NUDT21: variants seen among roughly 807,000 people sequenced by gnomAD.
The protein encoded by NUDT21 is nudix hydrolase 21.
In NUDT21, 5 loss-of-function variants were observed where a neutral mutation model predicts 29.8. The ratio of observed to expected loss-of-function variants is 0.17; its 90% CI spans 0.09 to 0.35. NUDT21 has a LOEUF of 0.35. NUDT21 is among the 10% of genes least tolerant of loss of function. NUDT21 has a pLI of 1.00. For synonymous variants in NUDT21, 113 were observed against 98.5 expected (o/e 1.15, Z -0.87); for missense variants, 76 against 276.0 (o/e 0.28, Z 5.13).
At chr16:56,440,677 C>T (rs1962149145) in intron 3 of NUDT21, among the ~76,000 whole-genome samples, 1 of 152,116 alleles carries the variant, frequency 6.6e-6, no homozygotes, top group African/African-American at 2.4e-5. Flanking sequence ...ATCAATATGG[C>T]TTATCACTAA....
intron 6 of NUDT21, among the ~76,000 whole-genome samples, chr16:56,433,387 A>G (rs549673514): frequency 1.9e-3 from 282 of 152,352 alleles, no homozygotes; most frequent in African/African-American, 6.7e-3. Context: ...TAGTTTGTTC[A>G]AGGTCACACT....
chr16:56,429,957 T>C lies in NUDT21; in HGVS notation c.*2755A>G, dbSNP rs1962015194. The C allele has an allele frequency of 6.6e-6, 1 of 152,236 alleles. No individual in the cohort carries two copies. The highest frequency in any genetic ancestry group is 2.4e-5 in the African/African-American group (1 of 41,462). 9.4% of individuals were successfully genotyped at this position (152,236 alleles called of 1,614,324 possible). ...TTTAAGAAAGGGAATTTTAAGCCGA[T>C]TGCTTGCTGGCCTGTTGAATTTGAA... On this transcript the variant is annotated 3_prime_UTR_variant, in exon 7 of 7. Transcript: ENST00000300291.
intron 3 of NUDT21, among the ~76,000 whole-genome samples, chr16:56,441,698 C>T (rs1362208159): frequency 1.3e-5 from 2 of 152,104 alleles, no homozygotes; most frequent in African/African-American, 4.8e-5. Context: ...TAGTATGATC[C>T]GGTAGATCAG....
At chr16:56,449,696 T>A (rs1381031542) in intron 1 of NUDT21, among the ~76,000 whole-genome samples, 1 of 152,232 alleles carries the variant, frequency 6.6e-6, no homozygotes, top group Non-Finnish European at 1.5e-5. Flanking sequence ...TTAGTTCTAA[T>A]AACCACCGAA....
At chr16:56,435,720 T>C (rs1171987781) in intron 4 of NUDT21, among the ~76,000 whole-genome samples, 4 of 77,034 alleles carry the variant, frequency 5.2e-5, no homozygotes, top group African/African-American at 9.9e-5. Flanking sequence ...AGTGAGACTC[T>C]GTCTCCCAAA....
rs1183011231 is a variant in NUDT21 at position 56,430,467 on chromosome 16, T to C, written c.*2245A>G. Reference sequence around the variant, plus strand: ...AAAGAGCTTTCATTTTAGACAAATATACAACATAGAAGCCACTAAAAAATA... The same window carrying C: ...AAAGAGCTTTCATTTTAGACAAATACACAACATAGAAGCCACTAAAAAATA... On this transcript the variant is annotated 3_prime_UTR_variant, in exon 7 of 7. Transcript: ENST00000300291. The C allele has an allele frequency of 3.9e-5, 6 of 152,180 alleles. No homozygotes were observed. The highest frequency in any genetic ancestry group is 1.2e-4 in the African/African-American group (5 of 41,444). 9.4% of individuals were successfully genotyped at this position (152,180 alleles called of 1,614,324 possible).
At chr16:56,436,462 T>C (rs1962105095) in intron 4 of NUDT21, among the ~76,000 whole-genome samples, 1 of 152,188 alleles carries the variant, frequency 6.6e-6, no homozygotes, top group African/African-American at 2.4e-5. Context: ...GTATTCCAGT[T>C]AGAATAATTA....
rs1962046066 is a variant in NUDT21 at position 56,432,573 on chromosome 16, AAAC to A, written c.*136_*138del. ...GTTCTTCATATTAATTTTACTATTC[AAAC>A]AATAGAAAGGTGGCAATTTAGGGAT... is the stretch of plus-strand genomic sequence containing the variant. On this transcript the variant is annotated 3_prime_UTR_variant, in exon 7 of 7. Coordinates refer to ENST00000300291, the MANE Select transcript of NUDT21 (RefSeq NM_007006.3). The A allele has an allele frequency of 3.8e-6, 2 of 526,168 alleles. No individual in the cohort carries two copies. Among genetic ancestry groups the A allele is most frequent in the Middle Eastern group, 2.8e-4 (1 of 3,516 alleles). The allele number at this position is 526,168 out of a possible 1,614,324, so 32.6% of individuals were successfully genotyped here.
intron 2 of NUDT21, 86 bp from the exon 3 acceptor site, chr16:56,446,775 C>A: frequency 1.3e-6 from 1 of 794,220 alleles, no homozygotes; most frequent in South Asian, 1.7e-5. Flanking sequence ...TCTACCAAGT[C>A]ACTAAGAACA....
In NUDT21 at chr16:56,447,794, G is replaced by A. The variant is rs1482887597; in HGVS notation, c.312C>T (p.Phe104=). ...TAATTTCCAACACTACTTACAGTTT[G>A]AAGAAAGTTGTTCCCAGCTGCAGCA... ...VLLLQLGTTF[F]KLPGGELNPG... is the part of the protein sequence containing the mutation. The change falls in exon 2 of 7, where the codon TTC becomes TTT. Residue 104 remains phenylalanine (F), a synonymous_variant. Coordinates refer to ENST00000300291, the MANE Select transcript of NUDT21 (RefSeq NM_007006.3). 2.5e-6 allele frequency: 4 copies of A among 1,613,934 alleles called. No individual in the cohort carries two copies. The highest frequency in any genetic ancestry group is 3.3e-4 in the Middle Eastern group (2 of 6,062).
intron 1 of NUDT21, among the ~76,000 whole-genome samples, chr16:56,449,442 G>A (rs1490148039): frequency 6.6e-6 from 1 of 152,166 alleles, no homozygotes; most frequent in Non-Finnish European, 1.5e-5. Flanking sequence ...AAAATATACT[G>A]GGGGAGAGGG....
chr16:56,445,504 C>A (rs1190826838), intron 3 of NUDT21, among the ~76,000 whole-genome samples: 7 of 152,188 alleles, frequency 4.6e-5, no homozygotes, highest in Admixed American at 3.9e-4. Flanking sequence ...GTTGTGCTAT[C>A]AAATAGCAGC....
At position 56,429,432 on chromosome 16, in the gene NUDT21, A is replaced by G. The variant is rs1335940451; in HGVS notation, c.*3280T>C. 6.6e-6 allele frequency: 1 copy of G among 152,238 alleles called. No individual in the cohort carries two copies. Among genetic ancestry groups the G allele is most frequent in the Non-Finnish European group, 1.5e-5 (1 of 68,044 alleles). The allele number at this position is 152,238 out of a possible 1,614,324, so 9.4% of individuals were successfully genotyped here. On this transcript the variant is annotated 3_prime_UTR_variant, in exon 7 of 7. Coordinates refer to ENST00000300291, the MANE Select transcript of NUDT21 (RefSeq NM_007006.3). ...CTCTATTTTTACGATATGATCCATTACTAAGATACAAAATACACCTGAACT... is the reference window on the plus strand; with the variant it reads ...CTCTATTTTTACGATATGATCCATTGCTAAGATACAAAATACACCTGAACT...
rs1962176824 is a variant in NUDT21, at chr16:56,442,977, A to G, written c.382-3231T>C. Among the ~76,000 whole-genome samples the G allele has an allele frequency of 2.0e-5, 3 of 151,948 alleles. No homozygotes were observed. In the South Asian group the frequency reaches 6.2e-4, roughly 32 times the overall value. On this transcript the variant is annotated intron_variant, in intron 3 of 6. Coordinates refer to ENST00000300291, the MANE Select transcript of NUDT21 (RefSeq NM_007006.3). ...CAGGTGCAAAATCTCCTCTCATCTC[A>G]CCAAGAATATTAATCATAGTTTTGT...
chr16:56,438,406 C>A (rs1962126989), intron 4 of NUDT21, among the ~76,000 whole-genome samples: 1 of 152,168 alleles, frequency 6.6e-6, no homozygotes, highest in Non-Finnish European at 1.5e-5. Flanking sequence ...AGTCTAACAG[C>A]CCAGATGAAA....
intron 3 of NUDT21, among the ~76,000 whole-genome samples, chr16:56,443,221 G>A (rs1300784537): frequency 6.6e-6 from 1 of 151,358 alleles, no homozygotes; most frequent in Non-Finnish European, 1.5e-5. Context: ...CTGTTGCCCA[G>A]GCTGGCGTGC....
In NUDT21 at chr16:56,434,736, G is replaced by A. The variant is rs1962075847; in HGVS notation, c.547+18C>T. Reference sequence around the variant, plus strand: ...ACAGAATTTTTAGATGGCTACCTTTGAAAACAAAATAACTTACCTTTTTCT... The same window carrying A: ...ACAGAATTTTTAGATGGCTACCTTTAAAAACAAAATAACTTACCTTTTTCT... On this transcript the variant is annotated intron_variant, in intron 5 of 6. Transcript: ENST00000300291. 6.6e-7 allele frequency: 1 copy of A among 1,524,608 alleles called. No individual in the cohort carries two copies. Among genetic ancestry groups the A allele is most frequent in the African/African-American group, 1.4e-5 (1 of 72,922 alleles). The allele number at this position is 1,524,608 out of a possible 1,614,324, so 94.4% of individuals were successfully genotyped here. A position where few individuals can be genotyped will look rare whatever the true frequency, so the allele number is the denominator to read the frequency against.
intron 2 of NUDT21, 199 bp downstream of exon 2, chr16:56,447,590 A>G: frequency 1.8e-6 from 1 of 566,746 alleles, no homozygotes; most frequent in Non-Finnish European, 3.1e-6. Flanking sequence ...CAACATACAG[A>G]AACATACAGA....
chr16:56,436,739 A>C (rs949260326), intron 4 of NUDT21, among the ~76,000 whole-genome samples: 10 of 152,196 alleles, frequency 6.6e-5, no homozygotes, highest in African/African-American at 2.4e-4. Context: ...TTAATGTTTA[A>C]GTTGACTGTA....
Sources: gnomAD v4.1 joint callset for allele counts (sites outside exome capture counted in the v4.1 genomes callset) on GRCh38, gnomAD v4.1.1 for gene constraint, MANE v1.5 for transcripts, NCBI Gene and HGNC (gene_info 2026-07-23, HGNC 2026-07-21) for gene names.